MAGI3: variants seen among roughly 807,000 people sequenced by gnomAD.
The protein encoded by MAGI3 is membrane-associated guanylate kinase, WW and PDZ domain-containing protein 3.
In MAGI3, 43 loss-of-function variants were observed where a neutral mutation model predicts 121.8. The ratio of observed to expected loss-of-function variants is 0.35; its 90% CI spans 0.28 to 0.46. The LOEUF is 0.46. Among genes scored for constraint, MAGI3 ranks in the 20% least tolerant of loss-of-function variants. MAGI3 has a pLI of 1.00. For missense variants in MAGI3, 1,547 were observed against 1,797.3 expected (o/e 0.86, Z 2.52); for synonymous variants, 553 against 639.3 (o/e 0.86, Z 2.04).
chr1:113,402,002 A>G (rs1447427333), intron 1 of MAGI3, among the ~76,000 whole-genome samples: 2 of 152,180 alleles, frequency 1.3e-5, no homozygotes, highest in Non-Finnish European at 2.9e-5. Context: ...AAGGAAACAC[A>G]GCAATCCAAT....
intron 4 of MAGI3, among the ~76,000 whole-genome samples, chr1:113,588,530 A>G (rs1014103813): frequency 5.3e-5 from 8 of 152,184 alleles, no homozygotes; most frequent in African/African-American, 1.7e-4. Flanking sequence ...TTTTGATTCA[A>G]AGAGTAACAT....
chr1:113,633,811 AC>A (rs1229979214), intron 9 of MAGI3, among the ~76,000 whole-genome samples: 1 of 152,214 alleles, frequency 6.6e-6, no homozygotes, highest in Non-Finnish European at 1.5e-5. Context: ...GAATCACCAC[AC>A]TGACTTCCAC....
chr1:113,641,226 G>A (rs2101822506), intron 9 of MAGI3, among the ~76,000 whole-genome samples: 1 of 147,944 alleles, frequency 6.8e-6, no homozygotes, highest in Non-Finnish European at 1.5e-5. Context: ...ATAGGAACTT[G>A]ACAGGATTCT....
intron 1 of MAGI3, among the ~76,000 whole-genome samples, chr1:113,399,436 C>T (rs1429786882): frequency 6.6e-6 from 1 of 152,116 alleles, no homozygotes; most frequent in African/African-American, 2.4e-5. Flanking sequence ...ATCAATACTA[C>T]AGGAAATGAT....
At chr1:113,639,342 T>C (rs748351773) in intron 9 of MAGI3, among the ~76,000 whole-genome samples, 5 of 152,232 alleles carry the variant, frequency 3.3e-5, no homozygotes, top group Non-Finnish European at 5.9e-5. Context: ...CGCTGGGAAC[T>C]GTAGACCGGA....
rs541798562 is a variant in MAGI3, at chr1:113,603,934, A to G, written c.1018+9374A>G. The stretch of plus-strand genomic sequence containing the variant: ...CATCAGGGATGCGTAAATTAAAACC[A>G]CAATGAGATACCACCTTATTCCAGC... On this transcript the variant is annotated intron_variant, in intron 6 of 20. Coordinates refer to ENST00000307546, the MANE Select transcript of MAGI3 (RefSeq NM_001142782.2). Among the ~76,000 whole-genome samples the G allele has an allele frequency of 4.6e-5, 7 of 152,354 alleles. No homozygotes were observed. The South Asian group carries it at 1.4e-3, about 32-fold the overall frequency.
intron 1 of MAGI3, among the ~76,000 whole-genome samples, chr1:113,546,626 C>T (rs909762508): frequency 6.6e-6 from 1 of 151,798 alleles, no homozygotes; most frequent in Non-Finnish European, 1.5e-5. Context: ...CATGAGCCAC[C>T]GCACCCAGCC....
intron 1 of MAGI3, among the ~76,000 whole-genome samples, chr1:113,431,529 A>C (rs1653298405): frequency 6.6e-6 from 1 of 152,204 alleles, no homozygotes; most frequent in African/African-American, 2.4e-5. Flanking sequence ...TCAATAGTTT[A>C]GCATAGATGT....
chr1:113,618,653 G>A (rs530095061), intron 7 of MAGI3: 3 of 340,874 alleles, frequency 8.8e-6, no homozygotes, highest in South Asian at 4.5e-5. Flanking sequence ...TTACAGGCAT[G>A]CACCACCACG....
Position 113,391,465 on chromosome 1 carries a change from T to A in MAGI3, c.316+116T>A. The A allele has an allele frequency of 8.5e-7, 1 of 1,183,234 alleles. No homozygotes were observed. The highest frequency in any genetic ancestry group is 1.2e-6 in the Non-Finnish European group (1 of 845,254). 73.3% of individuals were successfully genotyped at this position (1,183,234 alleles called of 1,614,324 possible). ...ATTGTCCCGGGTAATCTTAGACCTCTAGGGTGTGCCAGACTCCTTGACGAG... is the reference window on the plus strand; with the variant it reads ...ATTGTCCCGGGTAATCTTAGACCTCAAGGGTGTGCCAGACTCCTTGACGAG... On this transcript the variant is annotated intron_variant, in intron 1 of 20. Transcript: ENST00000307546. The surrounding 1 kb of genome is among the most constrained non-coding windows in gnomAD (Gnocchi z 4.4).
At chr1:113,559,544 G>A (rs1660136380) in intron 2 of MAGI3, among the ~76,000 whole-genome samples, 2 of 151,998 alleles carry the variant, frequency 1.3e-5, no homozygotes, top group Admixed American at 1.3e-4. Flanking sequence ...CCCGATACAG[G>A]AGCACCCAGA....
At chr1:113,591,301 T>C (rs542093798) in intron 5 of MAGI3, among the ~76,000 whole-genome samples, 111 of 152,304 alleles carry the variant, frequency 7.3e-4, no homozygotes, top group African/African-American at 2.5e-3. Flanking sequence ...AGTTTTATCA[T>C]GAAGAATTTT....
At chr1:113,459,853 T>C (rs1001145165) in intron 1 of MAGI3, among the ~76,000 whole-genome samples, 4 of 152,164 alleles carry the variant, frequency 2.6e-5, no homozygotes, top group Non-Finnish European at 4.4e-5. Context: ...AAACAAGAGC[T>C]GGCACCATTC....
chr1:113,472,733 G>GTT (rs397860313), intron 1 of MAGI3, among the ~76,000 whole-genome samples: 2 of 70,292 alleles, frequency 2.8e-5, no homozygotes, highest in Admixed American at 2.8e-4. Context: ...ATCTACTACA[G>GTT]TTGTGTGTGT....
intron 1 of MAGI3, among the ~76,000 whole-genome samples, chr1:113,509,681 T>C (rs1481365507): frequency 4.2e-5 from 5 of 118,846 alleles, no homozygotes; most frequent in Admixed American, 9.6e-5. Flanking sequence ...CTGATTTCTA[T>C]AACAAAGCTT....
intron 2 of MAGI3, among the ~76,000 whole-genome samples, 176 bp from the exon 3 acceptor site, chr1:113,580,366 A>T (rs775606140): frequency 1.1e-4 from 16 of 152,152 alleles, no homozygotes; most frequent in Non-Finnish European, 1.9e-4. Context: ...GTATCAAAAC[A>T]TGTTGTATGC....
intron 9 of MAGI3, among the ~76,000 whole-genome samples, chr1:113,639,664 T>C (rs1652323826): frequency 6.6e-6 from 1 of 152,056 alleles, no homozygotes. Context: ...GCCTCCTGGG[T>C]TCAAGCAATT....
intron 16 of MAGI3, among the ~76,000 whole-genome samples, chr1:113,665,847 G>A (rs1654019071): frequency 6.6e-6 from 1 of 152,074 alleles, no homozygotes; most frequent in Middle Eastern, 3.2e-3. Flanking sequence ...TCTTTTAAGT[G>A]TATTATTATA....
intron 1 of MAGI3, among the ~76,000 whole-genome samples, chr1:113,543,536 T>C (rs1350630646): frequency 6.6e-6 from 1 of 152,168 alleles, no homozygotes; most frequent in Non-Finnish European, 1.5e-5. Context: ...ATTTCATGTA[T>C]TCAAGGATGG....
Sources: allele counts gnomAD v4.1 joint callset (sites outside exome capture counted in the v4.1 genomes callset), GRCh38; gene constraint gnomAD v4.1.1; non-coding constraint Gnocchi (gnomAD v3.1); transcripts MANE v1.5; gene names NCBI Gene and HGNC (gene_info 2026-07-23, HGNC 2026-07-21).